CSMD1: variants seen among roughly 807,000 people sequenced by gnomAD.
CSMD1 encodes CUB and sushi domain-containing protein 1.
In CSMD1, 213 loss-of-function variants were observed where a neutral mutation model predicts 417.5. The ratio of observed to expected loss-of-function variants is 0.51; its 90% confidence interval spans 0.46 to 0.57. The LOEUF is 0.57. CSMD1 is among the 20% of genes least tolerant of loss of function. The pLI, the probability that CSMD1 is intolerant of heterozygous loss-of-function variation, is 0.00. For missense variants in CSMD1, 6,923 were observed against 4,529.7 expected (o/e 1.53, Z -15.17); for synonymous variants, 2,862 against 1,736.8 (o/e 1.65, Z -16.11).
chr8:3,901,071 A>C (rs1428729335), intron 5 of CSMD1, among the ~76,000 whole-genome samples: 1 of 152,198 alleles, frequency 6.6e-6, no homozygotes. Context: ...TGTAGTAAAG[A>C]AATAATTTAT....
chr8:3,580,181 C>A (rs147759265), intron 9 of CSMD1, among the ~76,000 whole-genome samples: 135 of 152,050 alleles, frequency 8.9e-4, no homozygotes, highest in Middle Eastern at 3.4e-3. Context: ...GAGGGTATGG[C>A]GGAGAGAGAA....
At chr8:3,724,384 A>G in intron 6 of CSMD1, among the ~76,000 whole-genome samples, 1 of 152,148 alleles carries the variant, frequency 6.6e-6, no homozygotes, top group East Asian at 1.9e-4. Flanking sequence ...ATAAATATAT[A>G]TGTTAATTTC....
At chr8:4,575,413 A>G (rs1799090869) in intron 2 of CSMD1, among the ~76,000 whole-genome samples, 4 of 152,288 alleles carry the variant, frequency 2.6e-5, no homozygotes, top group Admixed American at 1.3e-4. Context: ...GGGTTGTAGA[A>G]CCATTTCCAC....
intron 26 of CSMD1, among the ~76,000 whole-genome samples, chr8:3,245,622 T>C (rs1463019658): frequency 6.6e-6 from 1 of 152,202 alleles, no homozygotes; most frequent in African/African-American, 2.4e-5. Context: ...GACAGGAGCC[T>C]AAATCTTCCG....
At chr8:4,225,803 G>A (rs1801313223) in intron 3 of CSMD1, among the ~76,000 whole-genome samples, 1 of 152,076 alleles carries the variant, frequency 6.6e-6, no homozygotes, top group Admixed American at 6.6e-5. Flanking sequence ...ATATTTTATT[G>A]CATGACATTC....
At chr8:4,717,971 CTTATT>C (rs1352657382) in intron 1 of CSMD1, among the ~76,000 whole-genome samples, 3 of 152,006 alleles carry the variant, frequency 2.0e-5, no homozygotes, top group South Asian at 2.1e-4. Context: ...ATCTATCAAA[CTTATT>C]TTATTTTATT....
chr8:4,291,001 A>G (rs1434821902), intron 3 of CSMD1, among the ~76,000 whole-genome samples: 2 of 152,178 alleles, frequency 1.3e-5, no homozygotes, highest in African/African-American at 2.4e-5. Context: ...TGTTAAATGT[A>G]TATGTAATGA....
At chr8:4,443,164 G>A (rs73660818) in intron 2 of CSMD1, among the ~76,000 whole-genome samples, 1 of 152,114 alleles carries the variant, frequency 6.6e-6, no homozygotes, top group Non-Finnish European at 1.5e-5. Context: ...CTTTTAAATG[G>A]TAGAATTCTT....
chr8:3,172,819 C>T (rs1052879694), intron 37 of CSMD1, among the ~76,000 whole-genome samples: 4 of 152,174 alleles, frequency 2.6e-5, no homozygotes, highest in Admixed American at 6.5e-5. Context: ...TCCATTGAAA[C>T]CCTTTCCCAC....
intron 2 of CSMD1, among the ~76,000 whole-genome samples, chr8:4,545,658 T>A (rs1475535590): frequency 2.0e-5 from 3 of 151,522 alleles, no homozygotes; most frequent in South Asian, 2.1e-4. Context: ...ACCCTAGGAG[T>A]TTCCCAGTGT....
intron 3 of CSMD1, among the ~76,000 whole-genome samples, chr8:4,215,692 A>G (rs530520113): frequency 1.3e-5 from 2 of 152,358 alleles, no homozygotes; most frequent in South Asian, 4.1e-4. Context: ...AGACTTTAAT[A>G]TGCAGATTCT....
chr8:4,618,614 T>C (rs1164329049), intron 2 of CSMD1, among the ~76,000 whole-genome samples: 2 of 152,124 alleles, frequency 1.3e-5, no homozygotes, highest in Non-Finnish European at 2.9e-5. Context: ...TTTTCTGAGC[T>C]TCAGATCTGA....
intron 3 of CSMD1, among the ~76,000 whole-genome samples, chr8:4,077,393 T>C (rs1397460687): frequency 1.3e-5 from 2 of 150,606 alleles, no homozygotes; most frequent in East Asian, 3.9e-4. Context: ...CTCAGTCTTT[T>C]ATTATAATAA....
At chr8:4,349,523 C>T (rs1404022264) in intron 3 of CSMD1, among the ~76,000 whole-genome samples, 1 of 152,130 alleles carries the variant, frequency 6.6e-6, no homozygotes, top group African/African-American at 2.4e-5. Flanking sequence ...TCCCTTTCAA[C>T]AGCCTTTCTA....
intron 1 of CSMD1, among the ~76,000 whole-genome samples, chr8:4,738,544 A>G (rs558005868): frequency 6.6e-6 from 1 of 152,264 alleles, no homozygotes; most frequent in South Asian, 2.1e-4. Context: ...CTCCCATAAC[A>G]GGGGAACTAC....
chr8:3,396,152 G>C, intron 17 of CSMD1, 42 bp downstream of exon 17: 1 of 1,506,738 alleles, frequency 6.6e-7, no homozygotes, highest in South Asian at 1.2e-5. Context: ...GTTCTCCCAT[G>C]CATGCTGCCC....
chr8:4,320,376 A>AAAAAAG lies in CSMD1; in HGVS notation c.415+99576_415+99577insCTTTTT, dbSNP rs755656836. 1.6e-3 allele frequency among the ~76,000 whole-genome samples: 249 copies of AAAAAAG among 152,006 alleles called. 1 individual carries two copies. Among genetic ancestry groups the AAAAAAG allele is most frequent in the Middle Eastern group, 6.8e-3 (2 of 294 alleles). On this transcript the variant is annotated intron_variant, in intron 3 of 69. Transcript: ENST00000635120. ...AATAAACCTTTTTTATTATTATTAT[A>AAAAAAG]CTTTAAGTTGTGAGGGTACATGTGT...
intron 3 of CSMD1, among the ~76,000 whole-genome samples, chr8:4,125,342 G>A (rs984545490): frequency 1.3e-5 from 2 of 152,170 alleles, no homozygotes; most frequent in African/African-American, 2.4e-5. Flanking sequence ...GAGCGCAACT[G>A]TTTGTCTCTC....
intron 1 of CSMD1, among the ~76,000 whole-genome samples, chr8:4,820,492 C>A (rs1799461919): frequency 6.6e-6 from 1 of 152,018 alleles, no homozygotes; most frequent in Non-Finnish European, 1.5e-5. Context: ...TACCAAAGAG[C>A]CATAAGGAAA....
Sources: allele counts gnomAD v4.1 joint callset (sites outside exome capture counted in the v4.1 genomes callset), GRCh38; gene constraint gnomAD v4.1.1; transcripts MANE v1.5; gene names NCBI Gene and HGNC (gene_info 2026-07-23, HGNC 2026-07-21).